EXT1: variants seen among roughly 807,000 people sequenced by gnomAD.
The protein encoded by EXT1 is exostosin glycosyltransferase 1.
EXT1 carries 20 observed loss-of-function variants against 82.5 expected under a neutral mutation model. The observed-to-expected ratio is 0.24, with a 90% CI of 0.17 to 0.35. The LOEUF is 0.35. Ranked by LOEUF, EXT1 falls within the 10% of genes least tolerant of loss-of-function variation. EXT1 has a pLI of 1.00. For synonymous variants in EXT1, 348 were observed against 350.8 expected (o/e 0.99, Z 0.09); for missense variants, 757 against 936.5 (o/e 0.81, Z 2.50).
intron 1 of EXT1, among the ~76,000 whole-genome samples, chr8:117,877,023 G>A (rs866907993): frequency 1.3e-5 from 2 of 152,286 alleles, no homozygotes; most frequent in South Asian, 2.1e-4. Context: ...CCCTGGATGT[G>A]CCTCAAAGCT....
chr8:117,822,544 G>C lies in EXT1; in HGVS notation c.1338C>G (p.Asn446Lys). The C allele has an allele frequency of 6.2e-7, 1 of 1,613,410 alleles. No homozygotes were observed. Among genetic ancestry groups the C allele is most frequent in the Non-Finnish European group, 8.5e-7 (1 of 1,179,656 alleles). ...GTACGAACAATCCTCCAGGATGTTT[G>C]TTCCATATTAAACTGTTACGTGATA... Reference protein sequence around the residue: ...KHISRNSLIWNKHPGGLFVLP... With the variant: ...KHISRNSLIWKKHPGGLFVLP... The change falls in exon 5 of 11, where the codon AAC becomes AAG. Residue 446 changes from asparagine to lysine, a missense_variant. Asn to Lys is a moderately conservative substitution (Grantham distance 94). Around this residue, in one of 4 missense-constraint regions of EXT1, gnomAD observed 207 missense variants for 224.2 expected, o/e 0.92. Coordinates refer to ENST00000378204, the MANE Select transcript of EXT1 (RefSeq NM_000127.3).
chr8:117,933,138 G>A (rs1403240245), intron 1 of EXT1, among the ~76,000 whole-genome samples: 2 of 152,030 alleles, frequency 1.3e-5, no homozygotes, highest in South Asian at 2.1e-4. Context: ...CTCTTGAAGA[G>A]GTCTTCTGGT....
At chr8:117,842,863 C>T (rs1587006695) in intron 1 of EXT1, among the ~76,000 whole-genome samples, 1 of 152,172 alleles carries the variant, frequency 6.6e-6, no homozygotes, top group South Asian at 2.1e-4. Context: ...CTCTGTAGCA[C>T]GCATATTTGC....
intron 1 of EXT1, among the ~76,000 whole-genome samples, chr8:118,107,305 C>A (rs1817817861): frequency 6.6e-6 from 1 of 152,110 alleles, no homozygotes; most frequent in African/African-American, 2.4e-5. Context: ...CCCATGGACA[C>A]TTGCTAATAA....
At position 117,837,102 on chromosome 8, in the gene EXT1, T is replaced by A; in HGVS notation, c.1056+6A>T. The A allele has an allele frequency of 3.1e-6, 5 of 1,612,724 alleles. No homozygotes were observed. In the South Asian group the frequency reaches 4.4e-5, roughly 14 times the overall value. Reference sequence around the variant, plus strand: ...CCTATTCTGGGAAGGCTCCAGGGCCTCTTACCTGCAAAGCCTCCAGGAATC... The same window carrying A: ...CCTATTCTGGGAAGGCTCCAGGGCCACTTACCTGCAAAGCCTCCAGGAATC... On this transcript the variant is annotated splice_donor_region_variant and intron_variant, in intron 2 of 10. Transcript: ENST00000378204.
At position 118,027,535 on chromosome 8, in the gene EXT1, C is replaced by T. The variant is rs17476476; in HGVS notation, c.962+82550G>A. Among the ~76,000 whole-genome samples the T allele has an allele frequency of 6.4e-3, 972 of 152,280 alleles. 13 individuals carry two copies. The highest frequency in any genetic ancestry group is 0.022 in the African/African-American group (930 of 41,550). The stretch of plus-strand genomic sequence containing the variant: ...ACCTCCCTCTCTCTACAAGTGCTTG[C>T]TCTCAGTATCAGCTTACATAAAATG... On this transcript the variant is annotated intron_variant, in intron 1 of 10. Transcript: ENST00000378204.
chr8:117,995,169 G>T (rs1452002143), intron 1 of EXT1, among the ~76,000 whole-genome samples: 2 of 152,138 alleles, frequency 1.3e-5, no homozygotes, highest in Non-Finnish European at 2.9e-5. Flanking sequence ...TGGTCAATCA[G>T]CAGAGTTAAT....
intron 1 of EXT1, among the ~76,000 whole-genome samples, chr8:117,956,046 A>T (rs944736630): frequency 2.6e-5 from 4 of 152,206 alleles, no homozygotes; most frequent in African/African-American, 7.2e-5. Flanking sequence ...AAAAATCAAA[A>T]TGATTTTAGA....
chr8:118,096,465 A>G (rs1287869656), intron 1 of EXT1, among the ~76,000 whole-genome samples: 1 of 152,130 alleles, frequency 6.6e-6, no homozygotes, highest in Non-Finnish European at 1.5e-5. Flanking sequence ...TACTAAAAAT[A>G]CAAAAATTAG....
chr8:117,998,375 T>C (rs1299675425), intron 1 of EXT1, among the ~76,000 whole-genome samples: 1 of 152,110 alleles, frequency 6.6e-6, no homozygotes, highest in Non-Finnish European at 1.5e-5. Flanking sequence ...AGTGGCACAA[T>C]CATAGCTCAC....
chr8:118,029,523 C>G (rs749750701), intron 1 of EXT1, among the ~76,000 whole-genome samples: 12 of 152,134 alleles, frequency 7.9e-5, no homozygotes, highest in Non-Finnish European at 1.2e-4. Flanking sequence ...TCAGGTAGAT[C>G]TGAGACTAAA....
At chr8:118,059,046 T>A (rs1816839423) in intron 1 of EXT1, among the ~76,000 whole-genome samples, 1 of 152,176 alleles carries the variant, frequency 6.6e-6, no homozygotes, top group Non-Finnish European at 1.5e-5. Flanking sequence ...AAATCATTAA[T>A]CTAATGTGCA....
At chr8:117,982,615 C>G (rs981593467) in intron 1 of EXT1, among the ~76,000 whole-genome samples, 1 of 152,084 alleles carries the variant, frequency 6.6e-6, no homozygotes, top group East Asian at 1.9e-4. Context: ...CTCAGCCTCC[C>G]GAGTACCTGA....
At chr8:117,991,665 G>T (rs369678919) in intron 1 of EXT1, among the ~76,000 whole-genome samples, 52 of 152,240 alleles carry the variant, frequency 3.4e-4, no homozygotes, top group East Asian at 3.1e-3. Flanking sequence ...GGGCTCAAGT[G>T]ATTCTCCGGC....
chr8:118,022,664 T>C (rs1345072302), intron 1 of EXT1, among the ~76,000 whole-genome samples: 1 of 151,994 alleles, frequency 6.6e-6, no homozygotes, highest in Non-Finnish European at 1.5e-5. Context: ...ATATTATTAA[T>C]TCCTCTTAGG....
intron 1 of EXT1, among the ~76,000 whole-genome samples, chr8:118,002,734 G>A (rs559757987): frequency 6.6e-6 from 1 of 151,654 alleles, no homozygotes; most frequent in South Asian, 2.1e-4. Flanking sequence ...GGGTTTCACC[G>A]TGTGAGCCAG....
chr8:117,823,928 T>C (rs984848121), intron 4 of EXT1, among the ~76,000 whole-genome samples: 1 of 152,210 alleles, frequency 6.6e-6, no homozygotes, highest in Non-Finnish European at 1.5e-5. Context: ...AACAGGGATA[T>C]GTTAAAATGC....
chr8:118,061,828 T>G (rs956376529), intron 1 of EXT1, among the ~76,000 whole-genome samples: 3 of 152,314 alleles, frequency 2.0e-5, no homozygotes, highest in East Asian at 1.9e-4. Flanking sequence ...TGCAAAAGAT[T>G]TGTAGATCAA....
In EXT1 at chr8:118,040,133, A is replaced by AT. The variant is rs957640579; in HGVS notation, c.962+69951dup. Reference sequence around the variant, plus strand: ...ATGGTGAGAAACCTGATTTTGGTGTATTTTTTTTTTAACATTATTTTTAAC... The same window carrying AT: ...ATGGTGAGAAACCTGATTTTGGTGTATTTTTTTTTTTAACATTATTTTTAAC... On this transcript the variant is annotated intron_variant, in intron 1 of 10. Transcript: ENST00000378204. 6.4e-4 allele frequency among the ~76,000 whole-genome samples: 96 copies of AT among 149,658 alleles called. No individual in the cohort carries two copies. The South Asian group carries it at 7.9e-3, about 12-fold the overall frequency.
Sources: allele counts gnomAD v4.1 joint callset (sites outside exome capture counted in the v4.1 genomes callset), GRCh38; gene constraint gnomAD v4.1.1; regional missense constraint gnomAD v4.1.1; transcripts MANE v1.5; gene names NCBI Gene and HGNC (gene_info 2026-07-23, HGNC 2026-07-21).